The following MCM7 variants were observed in gnomAD, a reference collection of about 807,000 sequenced individuals.
MCM7 encodes the protein minichromosome maintenance complex component 7.
MCM7 carries 95 observed loss-of-function variants against 83.5 expected under a neutral mutation model. That is an observed-to-expected ratio of 1.14 (90% CI 0.96 to 1.35). MCM7 has a LOEUF of 1.35. MCM7 is among the 40% of genes most tolerant of loss of function. The pLI, the probability that MCM7 is intolerant of heterozygous loss-of-function variation, is 0.00. For missense variants in MCM7, 1,087 were observed against 957.4 expected (o/e 1.14, Z -1.79); for synonymous variants, 461 against 352.7 (o/e 1.31, Z -3.44).
chr7:100,097,451 T>G, intron 9 of MCM7, 67 bp from the exon 10 acceptor site: 1 of 1,590,384 alleles, frequency 6.3e-7, no homozygotes, highest in Middle Eastern at 1.8e-4. Flanking sequence ...CAGAGCAATT[T>G]TGAGTTCTGC....
chr7:100,093,873 GA>G, intron 13 of MCM7: 1 of 658,204 alleles, frequency 1.5e-6, no homozygotes, highest in Non-Finnish European at 2.9e-6. Context: ...CGGGAGGACA[GA>G]AAGGAAGGTC....
rs540136580 is a variant in MCM7 at position 100,094,329 on chromosome 7, G to T, written c.1692C>A (p.Ala564=). The change falls in exon 13 of 15, where the codon GCC becomes GCA. Residue 564 remains alanine, a synonymous_variant. Coordinates refer to ENST00000303887, the MANE Select transcript of MCM7 (RefSeq NM_005916.5). The stretch of plus-strand genomic sequence containing the variant: ...CCATGGGCTGCTTCTCGCGGCACAT[G>T]GCTATGTAACGCCTGTGGGGGAAGG... The part of the protein sequence containing the change: ...LDMKLMRRYI[A]MCREKQPMVP... 1.4e-5 allele frequency: 22 copies of T among 1,613,974 alleles called. No homozygotes were observed. Among genetic ancestry groups the T allele is most frequent in the Non-Finnish European group, 1.2e-5 (14 of 1,180,058 alleles).
intron 10 of MCM7, 108 bp downstream of exon 10, chr7:100,097,193 A>C: frequency 1.1e-6 from 1 of 923,504 alleles, no homozygotes; most frequent in Non-Finnish European, 1.7e-6. Context: ...TCAGCCTCTC[A>C]GAGCATTGGG....
At position 100,101,296 on chromosome 7, in the gene MCM7, G is replaced by A. The variant is rs1292542630; in HGVS notation, c.-2C>T. The A allele has an allele frequency of 1.2e-6, 2 of 1,613,192 alleles. No individual in the cohort carries two copies. Among genetic ancestry groups the A allele is most frequent in the Admixed American group, 1.7e-5 (1 of 60,036 alleles). On this transcript the variant is annotated 5_prime_UTR_variant, in exon 1 of 15. Transcript: ENST00000303887. Reference sequence around the variant, plus strand: ...TAGCGCGTAGTCCTTCAGTGCCATCGCTGCCGAGGGCCGTGCGGCCGCGCT... The same window carrying A: ...TAGCGCGTAGTCCTTCAGTGCCATCACTGCCGAGGGCCGTGCGGCCGCGCT...
intron 7 of MCM7, 69 bp from the exon 8 acceptor site, chr7:100,098,017 A>G (rs1425713432): frequency 1.1e-5 from 17 of 1,583,114 alleles, no homozygotes; most frequent in Admixed American, 1.7e-5. Context: ...TTCCCTAACA[A>G]TTTCTTGACA....
Position 100,101,335 on chromosome 7 carries a change from G to C in MCM7, c.-41C>G. On this transcript the variant is annotated 5_prime_UTR_variant, in exon 1 of 15. Coordinates refer to ENST00000303887, the MANE Select transcript of MCM7 (RefSeq NM_005916.5). ...TGCGGCCGCGCTTGGCGGGCTCAGA[G>C]GTCTTGCTCCTGGGGAAGCTGAGAA... The C allele has an allele frequency of 6.2e-7, 1 of 1,612,432 alleles. No individual in the cohort carries two copies. The highest frequency in any genetic ancestry group is 8.5e-7 in the Non-Finnish European group (1 of 1,179,728).
In MCM7 at chr7:100,093,006, C is replaced by T; in HGVS notation, c.2086G>A (p.Ala696Thr). 6.2e-7 allele frequency: 1 copy of T among 1,614,230 alleles called. No individual in the cohort carries two copies. Among genetic ancestry groups the T allele is most frequent in the Non-Finnish European group, 8.5e-7 (1 of 1,180,034 alleles). The change falls in exon 15 of 15, where the codon GCG becomes ACG. Residue 696 changes from alanine (A) to threonine (T), a missense_variant. By Grantham distance (58) the Ala-to-Thr change is moderately conservative (BLOSUM62 0). Transcript: ENST00000303887. ...AGCTCCTCATATTCATCCAGAGCCG[C>T]CTGGAACTGGGCGGGTGTGAAGCCA... ...SRGFTPAQFQ[A>T]ALDEYEELNV...
intron 1 of MCM7, chr7:100,100,491 C>T: frequency 1.0e-6 from 1 of 1,002,368 alleles, no homozygotes; most frequent in African/African-American, 1.7e-5. Context: ...CCCGCCACCG[C>T]ACCCCACCCC....
chr7:100,100,851 T>C, intron 1 of MCM7: 2 of 1,021,478 alleles, frequency 2.0e-6, no homozygotes, highest in African/African-American at 1.7e-5. Context: ...GGCCCCGGCC[T>C]GCCCGCCCCC....
At chr7:100,100,865 G>A (rs1374128135) in intron 1 of MCM7, 2 of 1,036,384 alleles carry the variant, frequency 1.9e-6, no homozygotes, top group African/African-American at 3.4e-5. Context: ...CGCCCCCGGG[G>A]CCTACGCGCG....
At position 100,097,457 on chromosome 7, in the gene MCM7, T is replaced by C. The variant is rs1027089974; in HGVS notation, c.1118-73A>G. On this transcript the variant is annotated intron_variant, in intron 9 of 14. Coordinates refer to ENST00000303887, the MANE Select transcript of MCM7 (RefSeq NM_005916.5). Reference sequence around the variant, plus strand: ...GGCCAACAACAGAGCAATTTTGAGTTCTGCCTACCCCTAACACCCAGCACT... The same window carrying C: ...GGCCAACAACAGAGCAATTTTGAGTCCTGCCTACCCCTAACACCCAGCACT... 2.5e-6 allele frequency: 4 copies of C among 1,583,162 alleles called. No individual in the cohort carries two copies. In the African/African-American group the frequency reaches 5.4e-5, roughly 21 times the overall value.
chr7:100,099,417 A>AT lies in MCM7; in HGVS notation c.277-15_277-14insA. On this transcript the variant is annotated splice_polypyrimidine_tract_variant and intron_variant, in intron 3 of 14. Transcript: ENST00000303887. ...TTTATTTACCACCTAAAGGAGAAGA[A>AT]CAAAAAAAAAAAAAAAAAAGAGCAA... is the stretch of plus-strand genomic sequence containing the variant. 2 of 1,562,412 alleles carry AT rather than the reference A, an allele frequency of 1.3e-6. No individual in the cohort carries two copies. The highest frequency in any genetic ancestry group is 2.4e-5 in the South Asian group (2 of 83,708).
intron 1 of MCM7, 123 bp from the exon 2 acceptor site, chr7:100,100,216 A>G: frequency 6.9e-7 from 1 of 1,453,054 alleles, no homozygotes; most frequent in Non-Finnish European, 9.1e-7. Context: ...AACCTACCGA[A>G]GTCTCCCCAA....
At position 100,101,387 on chromosome 7, in the gene MCM7, C is replaced by A; in HGVS notation, c.-93G>T. ...CTCCGCGCGGTGGACTGTGGCCGGC[C>A]AACCGAAATTGGCGCGAAACGTCGC... On this transcript the variant is annotated 5_prime_UTR_variant, in exon 1 of 15. Transcript: ENST00000303887. The A allele has an allele frequency of 1.3e-6, 2 of 1,561,246 alleles. No individual in the cohort carries two copies. Among genetic ancestry groups the A allele is most frequent in the South Asian group, 1.1e-5 (1 of 89,840 alleles).
At position 100,093,345 on chromosome 7, in the gene MCM7, C is replaced by T; in HGVS notation, c.1905G>A (p.Arg635=). The T allele has an allele frequency of 6.2e-7, 1 of 1,614,152 alleles. No individual in the cohort carries two copies. The change falls in exon 14 of 15, where the codon AGG becomes AGA. Residue 635 remains arginine, a synonymous_variant. Transcript: ENST00000303887. ...GAGAGTCCTTTGACATCTCCATTAG[C>T]CTGATGGCTTCATTCACATCTTCTT... is the stretch of plus-strand genomic sequence containing the variant. The part of the protein sequence containing the change: ...VEKEDVNEAI[R]LMEMSKDSLL...
chr7:100,097,267 C>T lies in MCM7; in HGVS notation c.1201+34G>A, dbSNP rs1432485130. ...ATAAACACTGTGGTCCTGTCTGTCA[C>T]TATATTCACCTCCCGCAAAGCCCAA... is the stretch of plus-strand genomic sequence containing the variant. On this transcript the variant is annotated intron_variant, in intron 10 of 14. Coordinates refer to ENST00000303887, the MANE Select transcript of MCM7 (RefSeq NM_005916.5). 1.9e-6 allele frequency: 3 copies of T among 1,586,818 alleles called. No individual in the cohort carries two copies. In the East Asian group the frequency reaches 6.7e-5, roughly 35 times the overall value.
At chr7:100,100,744 G>C (rs949996283) in intron 1 of MCM7, 35 of 991,210 alleles carry the variant, frequency 3.5e-5, no homozygotes, top group Admixed American at 6.1e-5. Flanking sequence ...GAAGGACACT[G>C]TTTACACGAC....
chr7:100,093,410 A>G lies in MCM7; in HGVS notation c.1849-9T>C. ...ACCATTCTCAGACGTGCCTAAGGGG[A>G]AGGTAGGGGGGAAAGATGGGAACGG... On this transcript the variant is annotated splice_polypyrimidine_tract_variant and intron_variant, in intron 13 of 14. Transcript: ENST00000303887. 1.2e-6 allele frequency: 2 copies of G among 1,612,802 alleles called. No individual in the cohort carries two copies. Among genetic ancestry groups the G allele is most frequent in the East Asian group, 4.5e-5 (2 of 44,874 alleles).
rs563848236 is a variant in MCM7, at chr7:100,101,369, C to A, written c.-75G>T. On this transcript the variant is annotated 5_prime_UTR_variant, in exon 1 of 15. Transcript: ENST00000303887. Reference sequence around the variant, plus strand: ...CCTGGGGAAGCTGAGAATCTCCGCGCGGTGGACTGTGGCCGGCCAACCGAA... The same window carrying A: ...CCTGGGGAAGCTGAGAATCTCCGCGAGGTGGACTGTGGCCGGCCAACCGAA... 6.3e-7 allele frequency: 1 copy of A among 1,595,554 alleles called. No homozygotes were observed. The highest frequency in any genetic ancestry group is 8.6e-7 in the Non-Finnish European group (1 of 1,168,464).
Sources: allele counts gnomAD v4.1 joint callset, GRCh38; gene constraint gnomAD v4.1.1; transcripts MANE v1.5; gene names NCBI Gene and HGNC (gene_info 2026-07-23, HGNC 2026-07-21).